ALG13: variants seen among roughly 807,000 people sequenced by gnomAD.
The protein encoded by ALG13 is ALG13 UDP-N-acetylglucosaminyltransferase subunit, also known as UDP-N-acetylglucosamine transferase subunit ALG13.
In ALG13, 11 loss-of-function variants were observed where a neutral mutation model predicts 87.8. That is an observed-to-expected ratio of 0.13 (90% CI 0.08 to 0.21). The LOEUF (loss-of-function observed/expected upper bound fraction) is 0.21. ALG13 is among the 10% of genes least tolerant of loss of function. The pLI is 1.00. For missense variants in ALG13, 756 were observed against 866.1 expected (o/e 0.87, Z 1.60); for synonymous variants, 320 against 306.3 (o/e 1.04, Z -0.47).
In ALG13 at chrX:111,684,111, C is replaced by T. The variant is rs774337555; in HGVS notation, c.245-854C>T. ...ACCGCTCTTCGAGTACCCATATAAC[C>T]ATTCTGTTTTACACTTGGAGTATTT... On this transcript the variant is annotated intron_variant, in intron 2 of 26. Transcript: ENST00000394780. 1.8e-4 allele frequency among the ~76,000 whole-genome samples: 20 copies of T among 111,571 alleles called. No homozygotes were observed. In the South Asian group the frequency reaches 7.1e-3, roughly 40 times the overall value.
chrX:111,727,073 T>C lies in ALG13; in HGVS notation c.1976+18T>C, dbSNP rs771602364. 2 of 1,209,523 alleles carry C rather than the reference T, an allele frequency of 1.7e-6. No homozygotes were observed. Among genetic ancestry groups the C allele is most frequent in the Non-Finnish European group, 2.2e-6 (2 of 893,964 alleles). ...ATGCCCAGGTAAGACATTGACAGAT[T>C]TGTATTTTCATGGTCTAGGGAAATA... is the stretch of plus-strand genomic sequence containing the variant. On this transcript the variant is annotated intron_variant, in intron 16 of 26. Coordinates refer to ENST00000394780, the MANE Select transcript of ALG13 (RefSeq NM_001099922.3).
chrX:111,733,468 G>T (rs1297566499), intron 21 of ALG13, among the ~76,000 whole-genome samples: 1 of 111,575 alleles, frequency 9.0e-6, no homozygotes, highest in Non-Finnish European at 1.9e-5. Flanking sequence ...CCATTATTTT[G>T]TTTCTTTGTA....
At chrX:111,687,070 G>T (rs915030812) in intron 3 of ALG13, among the ~76,000 whole-genome samples, 3 of 110,920 alleles carry the variant, frequency 2.7e-5, no homozygotes, top group Admixed American at 1.9e-4. Context: ...CAATTCTCCC[G>T]AATAGCTGGG....
intron 3 of ALG13, chrX:111,690,270 C>T: frequency 1.3e-6 from 1 of 753,662 alleles, no homozygotes; most frequent in Non-Finnish European, 1.6e-6. Context: ...GTTTATTTAG[C>T]AGTGTTCTAT....
intron 23 of ALG13, among the ~76,000 whole-genome samples, chrX:111,738,668 C>T (rs1943462934): frequency 9.0e-6 from 1 of 110,675 alleles, no homozygotes; most frequent in African/African-American, 3.3e-5. Flanking sequence ...CCCCCCAGTA[C>T]CTGGGACTAT....
Position 111,685,106 on chromosome X carries a change from A to G in ALG13, c.383+3A>G. The G allele has an allele frequency of 1.7e-6, 2 of 1,207,554 alleles. No homozygotes were observed. The highest frequency in any genetic ancestry group is 2.2e-6 in the Non-Finnish European group (2 of 893,852). On this transcript the variant is annotated splice_donor_region_variant and intron_variant, in intron 3 of 26. Transcript: ENST00000394780. ...CATCTCTTCTATTGTACCTGCAGGT[A>G]TGCTAGAGACTGATTATTATTATCT...
rs773084617 is a variant in ALG13, at chrX:111,735,133, T to C, written c.2529+11T>C. 2.7e-6 allele frequency: 3 copies of C among 1,104,473 alleles called. No homozygotes were observed. The highest frequency in any genetic ancestry group is 3.7e-6 in the Non-Finnish European group (3 of 804,467). 91.0% of individuals were successfully genotyped at this position (1,104,473 alleles called of 1,213,427 possible). On this transcript the variant is annotated intron_variant, in intron 22 of 26. Transcript: ENST00000394780. Reference sequence around the variant, plus strand: ...AACTACCCCCAGAAGGTAATCCTCATAGTGTTATTAAGCAGTTACAATGGC... The same window carrying C: ...AACTACCCCCAGAAGGTAATCCTCACAGTGTTATTAAGCAGTTACAATGGC...
chrX:111,743,129 T>C (rs1353542316), intron 23 of ALG13, among the ~76,000 whole-genome samples: 1 of 112,219 alleles, frequency 8.9e-6, no homozygotes, highest in Non-Finnish European at 1.9e-5. Context: ...TAGCCACTTC[T>C]ATGTCTTGGT....
chrX:111,698,906 T>C (rs1437872356), intron 3 of ALG13, among the ~76,000 whole-genome samples: 1 of 111,462 alleles, frequency 9.0e-6, no homozygotes, highest in Non-Finnish European at 1.9e-5. Flanking sequence ...CATATGGTAG[T>C]TCTATTTAAT....
At chrX:111,690,146 G>T in intron 3 of ALG13, 1 of 752,745 alleles carries the variant, frequency 1.3e-6, no homozygotes, top group Non-Finnish European at 1.6e-6. Context: ...CATCTTATTA[G>T]TCCTTATTAA....
chrX:111,752,803 G>A lies in ALG13; in HGVS notation c.2946G>A (p.Leu982=). ...GSDLPQDTKV[L]QYYFNLGLQC... ...TTTTAATTTTAGATACAAAAGTTTT[G>A]CAGTACTATTTCAATCTAGGATTGC... is the stretch of plus-strand genomic sequence containing the variant. The change falls in exon 25 of 27, where the codon TTG becomes TTA. Residue 982 remains leucine, a synonymous_variant. Transcript: ENST00000394780. 1 of 1,188,683 alleles carries A rather than the reference G, an allele frequency of 8.4e-7. No individual in the cohort carries two copies. The highest frequency in any genetic ancestry group is 1.8e-5 in the African/African-American group (1 of 57,033).
At chrX:111,700,105 A>T (rs1602592410) in intron 3 of ALG13, among the ~76,000 whole-genome samples, 1 of 73,004 alleles carries the variant, frequency 1.4e-5, no homozygotes, top group African/African-American at 5.7e-5. Context: ...TCAGTCTTTT[A>T]CCTCATTGGT....
chrX:111,685,092 T>C lies in ALG13; in HGVS notation c.372T>C (p.Tyr124=), dbSNP rs771323573. ...TACACAAAGAGGGTCATCTCTTCTA[T>C]TGTACCTGCAGGTATGCTAGAGACT... The part of the protein sequence containing the change: ...KQLHKEGHLF[Y]CTCRVLTCPG... Residue 124 remains tyrosine (Y), a synonymous_variant, in exon 3 of 27, where the codon TAT becomes TAC. Coordinates refer to ENST00000394780, the MANE Select transcript of ALG13 (RefSeq NM_001099922.3). 5 of 1,209,373 alleles carry C rather than the reference T, an allele frequency of 4.1e-6. No homozygotes were observed. Among genetic ancestry groups the C allele is most frequent in the Middle Eastern group, 4.6e-4 (2 of 4,346 alleles).
At chrX:111,711,552 A>G in intron 5 of ALG13, 123 bp from the exon 6 acceptor site, 1 of 564,390 alleles carries the variant, frequency 1.8e-6, no homozygotes, top group Non-Finnish European at 2.8e-6. Flanking sequence ...TGCTGTGCAA[A>G]GTAGATACTT....
rs113635429 is a variant in ALG13 at position 111,685,178 on chromosome X, C to T, written c.383+75C>T. 1.2e-4 allele frequency: 125 copies of T among 1,051,127 alleles called. 4 individuals are homozygous for T. The highest frequency in any genetic ancestry group is 8.9e-4 in the African/African-American group (47 of 52,549). The allele number at this position is 1,051,127 out of a possible 1,213,427, so 86.6% of individuals were successfully genotyped here. ...CACTTCCTCTTATCCACCTACCTAA[C>T]CCATCTGTCTCTTCTGCCTCTTACC... On this transcript the variant is annotated intron_variant, in intron 3 of 26. Transcript: ENST00000394780.
Position 111,753,410 on chromosome X carries a change from C to T in ALG13, c.2973+580C>T, listed in dbSNP as rs755058673. Among the ~76,000 whole-genome samples, 83 of 111,658 alleles carry T rather than the reference C, an allele frequency of 7.4e-4. 1 individual carries two copies. Among genetic ancestry groups the T allele is most frequent in the African/African-American group, 2.7e-3 (82 of 30,765 alleles). ...AAAGAACTAGAGAAGCAAAAGCAAA[C>T]AAATTCAAAACCTAGCAAAAGACAA... On this transcript the variant is annotated intron_variant, in intron 25 of 26. Transcript: ENST00000394780.
intron 3 of ALG13, among the ~76,000 whole-genome samples, chrX:111,694,211 T>A (rs1400987702): frequency 1.8e-5 from 2 of 109,210 alleles, no homozygotes; most frequent in Admixed American, 2.0e-4. Flanking sequence ...GCCCAGCTAA[T>A]TTTTTTTGTA....
In ALG13 at chrX:111,752,949, C is replaced by A. The variant is rs990153638; in HGVS notation, c.2973+119C>A. 3.1e-5 allele frequency: 15 copies of A among 491,125 alleles called. 2 individuals carry two copies. In the Admixed American group the frequency reaches 5.4e-4, roughly 18 times the overall value. The allele number at this position is 491,125 out of a possible 1,213,427, so 40.5% of individuals were successfully genotyped here. ...ACTAAGGGGACTAAACATTTTAATT[C>A]TGTCTAAGAGATCTCTGAAGATGAC... On this transcript the variant is annotated intron_variant, in intron 25 of 26. Coordinates refer to ENST00000394780, the MANE Select transcript of ALG13 (RefSeq NM_001099922.3).
At chrX:111,704,543 C>T (rs1296291325) in intron 3 of ALG13, among the ~76,000 whole-genome samples, 1 of 111,772 alleles carries the variant, frequency 8.9e-6, no homozygotes, top group Non-Finnish European at 1.9e-5. Flanking sequence ...CATGGGTGGA[C>T]TTTGAAAACC....
Sources: gnomAD v4.1 joint callset for allele counts (sites outside exome capture counted in the v4.1 genomes callset) on GRCh38, gnomAD v4.1.1 for gene constraint, MANE v1.5 for transcripts, NCBI Gene and HGNC (gene_info 2026-07-23, HGNC 2026-07-21) for gene names.